ANTXR1: variants seen among roughly 807,000 people sequenced by gnomAD.
The protein encoded by ANTXR1 is anthrax toxin receptor 1.
ANTXR1 carries 19 observed loss-of-function variants against 78.1 expected under a neutral mutation model. That is an observed-to-expected ratio of 0.24 (90% CI 0.17 to 0.36). The LOEUF (loss-of-function observed/expected upper bound fraction) is 0.36, where lower values mean the gene tolerates loss of function less well. ANTXR1 is among the 10% of genes least tolerant of loss of function. ANTXR1 has a pLI of 1.00. For missense variants in ANTXR1, 518 were observed against 718.6 expected (o/e 0.72, Z 3.19); for synonymous variants, 273 against 260.5 (o/e 1.05, Z -0.46).
chr2:69,067,624 T>C (rs778263819), intron 3 of ANTXR1, among the ~76,000 whole-genome samples: 4 of 152,106 alleles, frequency 2.6e-5, no homozygotes, highest in Non-Finnish European at 5.9e-5. Context: ...CTCTGCCCCA[T>C]AGTGCCCCCC....
chr2:69,102,934 A>G lies in ANTXR1; in HGVS notation c.796A>G (p.Thr266Ala). The G allele has an allele frequency of 6.2e-7, 1 of 1,614,164 alleles. No individual in the cohort carries two copies. Among genetic ancestry groups the G allele is most frequent in the Non-Finnish European group, 8.5e-7 (1 of 1,180,016 alleles). ...LCSFKINDSVTLNEKPFSVED... is the reference protein window; with the variant it reads ...LCSFKINDSVALNEKPFSVED... Reference sequence around the variant, plus strand: ...CAGCTTCAAGATCAATGACTCGGTCACACTCAGTAAGTCCTTGCAGAGTCC... The same window carrying G: ...CAGCTTCAAGATCAATGACTCGGTCGCACTCAGTAAGTCCTTGCAGAGTCC... The change falls in exon 10 of 18, where the codon ACA (threonine) becomes GCA (alanine). Residue 266 changes from threonine to alanine, a missense_variant. Physicochemically the swap from Thr to Ala is moderately conservative, Grantham distance 58. This residue lies in a region of ANTXR1 where 264 missense variants were observed against 391.8 expected (regional missense o/e 0.67). Coordinates refer to ENST00000303714, the MANE Select transcript of ANTXR1 (RefSeq NM_032208.3).
chr2:69,032,240 T>C (rs927004805), intron 1 of ANTXR1, among the ~76,000 whole-genome samples: 25 of 152,192 alleles, frequency 1.6e-4, no homozygotes, highest in African/African-American at 5.8e-4. Context: ...CCATAACCTG[T>C]AAATACACAA....
chr2:69,096,582 T>A (rs959140593), intron 9 of ANTXR1, among the ~76,000 whole-genome samples: 29 of 151,778 alleles, frequency 1.9e-4, no homozygotes, highest in African/African-American at 6.8e-4. Context: ...TTCCCAGAAC[T>A]CCTCCACTCT....
rs190844476 is a variant in ANTXR1 at position 69,137,753 on chromosome 2, T to C, written c.951+13110T>C. Among the ~76,000 whole-genome samples the C allele has an allele frequency of 6.2e-5, 9 of 146,156 alleles. No individual in the cohort carries two copies. The East Asian group carries it at 1.8e-3, about 29-fold the overall frequency. On this transcript the variant is annotated intron_variant, in intron 12 of 17. Coordinates refer to ENST00000303714, the MANE Select transcript of ANTXR1 (RefSeq NM_032208.3). ...GCAGTAGGTCATGATTGCACCACCC[T>C]ATGCTGTGCAAGAGAGCAAGACCCT...
chr2:69,039,999 C>G (rs372547889), intron 1 of ANTXR1, 45 bp from the exon 2 acceptor site: 10 of 1,516,116 alleles, frequency 6.6e-6, no homozygotes, highest in Non-Finnish European at 7.3e-6. Flanking sequence ...AAGGTAAAGA[C>G]AAGTAAACAC....
chr2:69,245,394 C>G lies in ANTXR1; in HGVS notation c.1604C>G (p.Ser535Cys). Residue 535 changes from serine to cysteine, a missense_variant, in exon 18 of 18, where the codon TCC (serine) becomes TGC (cysteine). Physicochemically the swap from Ser to Cys is moderately radical, Grantham distance 112. Around this residue, in one of 5 missense-constraint regions of ANTXR1, gnomAD observed 192 missense variants for 230.2 expected, o/e 0.83. Transcript: ENST00000303714. ...PPSAPTPPIPSPPSTLPPPPQ... is the reference protein window; with the variant it reads ...PPSAPTPPIPCPPSTLPPPPQ... ...AGCGCCCCTACCCCTCCCATCCCGT[C>G]CCCACCTTCCACCCTTCCCCCTCCT... 6.5e-7 allele frequency: 1 copy of G among 1,542,160 alleles called. No homozygotes were observed. The highest frequency in any genetic ancestry group is 8.7e-7 in the Non-Finnish European group (1 of 1,143,144).
chr2:69,117,169 T>C (rs1672170914), intron 10 of ANTXR1, among the ~76,000 whole-genome samples: 1 of 152,238 alleles, frequency 6.6e-6, no homozygotes, highest in Non-Finnish European at 1.5e-5. Context: ...CCTTGCCCAT[T>C]GAAGATCTTG....
At position 69,172,354 on chromosome 2, in the gene ANTXR1, T is replaced by C. The variant is rs746272352; in HGVS notation, c.1089+2065T>C. 4.4e-6 allele frequency: 7 copies of C among 1,608,464 alleles called. No homozygotes were observed. The Admixed American group carries it at 1.0e-4, about 23-fold the overall frequency. ...TTAGGCCACCTAATCTCCTTCCTAA[T>C]GTATTTTGGCAGGAAAATAAAATAA... On this transcript the variant is annotated intron_variant, in intron 14 of 17. Coordinates refer to ENST00000303714, the MANE Select transcript of ANTXR1 (RefSeq NM_032208.3).
intron 12 of ANTXR1, among the ~76,000 whole-genome samples, chr2:69,126,276 GA>G (rs1672535177): frequency 6.6e-6 from 1 of 152,188 alleles, no homozygotes; most frequent in South Asian, 2.1e-4. Context: ...CAGATGATGG[GA>G]AAGTTTTACT....
chr2:69,045,356 AT>A (rs1362717390), intron 3 of ANTXR1, among the ~76,000 whole-genome samples: 1 of 152,188 alleles, frequency 6.6e-6, no homozygotes, highest in Middle Eastern at 3.2e-3. Flanking sequence ...TAACAAAAGT[AT>A]TTTAGGATTT....
At chr2:69,210,523 A>G (rs567938671) in intron 17 of ANTXR1, among the ~76,000 whole-genome samples, 2 of 152,364 alleles carry the variant, frequency 1.3e-5, no homozygotes, top group African/African-American at 4.8e-5. Flanking sequence ...TTTGAAAACC[A>G]AAAAACCAGA....
chr2:69,210,152 T>C (rs1393236887), intron 17 of ANTXR1, among the ~76,000 whole-genome samples: 1 of 152,230 alleles, frequency 6.6e-6, no homozygotes, highest in Non-Finnish European at 1.5e-5. Flanking sequence ...CTTATCCCTC[T>C]TTACACCTGA....
intron 3 of ANTXR1, among the ~76,000 whole-genome samples, chr2:69,061,425 G>A (rs1670240134): frequency 6.8e-6 from 1 of 147,826 alleles, no homozygotes; most frequent in South Asian, 2.2e-4. Context: ...CTTCTCTGTA[G>A]AAATAAATGT....
chr2:69,022,118 C>T (rs1409430313), intron 1 of ANTXR1, among the ~76,000 whole-genome samples: 1 of 152,100 alleles, frequency 6.6e-6, no homozygotes, highest in Non-Finnish European at 1.5e-5. Context: ...TTATGGAATA[C>T]GAGGGAATTT....
rs115817298 is a variant in ANTXR1, at chr2:69,164,485, C to T, written c.1048-5763C>T. On this transcript the variant is annotated intron_variant, in intron 13 of 17. Coordinates refer to ENST00000303714, the MANE Select transcript of ANTXR1 (RefSeq NM_032208.3). ...ACTCATTTATTCCAGAAATAGTGGC[C>T]GAGTAACAAACACTAAGCTGTGTGT... 7.8e-3 allele frequency among the ~76,000 whole-genome samples: 1,193 copies of T among 152,302 alleles called. 13 individuals carry two copies. Among genetic ancestry groups the T allele is most frequent in the African/African-American group, 0.027 (1,116 of 41,548 alleles).
intron 8 of ANTXR1, among the ~76,000 whole-genome samples, chr2:69,082,820 C>T (rs561692560): frequency 2.0e-5 from 3 of 152,304 alleles, no homozygotes; most frequent in South Asian, 2.1e-4. Flanking sequence ...GAATTTCCCT[C>T]GAATAAATAT....
Position 69,183,543 on chromosome 2 carries a change from G to A in ANTXR1, c.1353+883G>A, listed in dbSNP as rs547254888. Among the ~76,000 whole-genome samples the A allele has an allele frequency of 3.3e-5, 5 of 150,414 alleles. No individual in the cohort carries two copies. In the East Asian group the frequency reaches 5.9e-4, roughly 18 times the overall value. The stretch of plus-strand genomic sequence containing the variant: ...TCAACCCCCAAGTAGCTGGGACTAC[G>A]GGCACGCACCACCACACCCAGCTAA... On this transcript the variant is annotated intron_variant, in intron 16 of 17. Coordinates refer to ENST00000303714, the MANE Select transcript of ANTXR1 (RefSeq NM_032208.3).
chr2:69,117,422 C>T (rs527693275), intron 10 of ANTXR1, among the ~76,000 whole-genome samples: 47 of 152,188 alleles, frequency 3.1e-4, no homozygotes, highest in African/African-American at 1.1e-3. Context: ...CAAATGAGAT[C>T]GTGGGTATAT....
At chr2:69,062,166 C>G (rs1670263511) in intron 3 of ANTXR1, among the ~76,000 whole-genome samples, 1 of 152,166 alleles carries the variant, frequency 6.6e-6, no homozygotes, top group Admixed American at 6.5e-5. Flanking sequence ...GAAAAGTCAG[C>G]TGAGTCTTAC....
Sources: gnomAD v4.1 joint callset for allele counts (sites outside exome capture counted in the v4.1 genomes callset) on GRCh38, gnomAD v4.1.1 for gene constraint, gnomAD v4.1.1 regional missense constraint, MANE v1.5 for transcripts, NCBI Gene and HGNC (gene_info 2026-07-23, HGNC 2026-07-21) for gene names.